Variants in PEMT observed in about 807,000 individuals in gnomAD.
The protein encoded by PEMT is phospholipid methyltransferase.
A neutral mutation model predicts 27.4 loss-of-function variants in PEMT; 23 were observed. The ratio of observed to expected loss-of-function variants is 0.84; its 90% CI spans 0.60 to 1.19. PEMT has a LOEUF of 1.19. PEMT is among the 50% of genes most tolerant of loss of function. The probability of loss-of-function intolerance (pLI) is 0.00; values close to 1 mark genes in which losing one functional copy is unlikely to be tolerated. For missense variants in PEMT, 307 were observed against 310.1 expected, an observed-to-expected ratio of 0.99 and a Z score of 0.07; for synonymous variants, 137 against 139.1, an observed-to-expected ratio of 0.98 and a Z score of 0.11.
chr17:17,511,146 C>A (rs1467292801), intron 4 of PEMT, among the ~76,000 whole-genome samples: 1 of 152,192 alleles, frequency 6.6e-6, no homozygotes, highest in Non-Finnish European at 1.5e-5. Flanking sequence ...CCTGTGCGGC[C>A]AGTCCAGCTG....
chr17:17,518,567 G>C (rs893970844), intron 3 of PEMT, among the ~76,000 whole-genome samples: 3 of 152,200 alleles, frequency 2.0e-5, no homozygotes, highest in African/African-American at 2.4e-5. Flanking sequence ...TGGATGCACT[G>C]CTGGTGCAGA....
At chr17:17,506,322 C>A in intron 5 of PEMT, 21 bp from the exon 6 acceptor site, 1 of 1,549,894 alleles carries the variant, frequency 6.5e-7, no homozygotes, top group South Asian at 1.2e-5. Flanking sequence ...AGAGGCAGGT[C>A]AGGCCTGGCT....
intron 1 of PEMT, 114 bp downstream of exon 1, chr17:17,591,416 TG>T: frequency 1.1e-6 from 1 of 882,050 alleles, no homozygotes. Flanking sequence ...ACGCCCCCAT[TG>T]CCTGGGAACT....
At chr17:17,563,446 T>C (rs918519859) in intron 2 of PEMT, among the ~76,000 whole-genome samples, 1 of 151,528 alleles carries the variant, frequency 6.6e-6, no homozygotes, top group South Asian at 2.1e-4. Flanking sequence ...TCCACGGAAA[T>C]GCGAAGGGGG....
intron 2 of PEMT, among the ~76,000 whole-genome samples, chr17:17,557,690 G>A (rs1257256507): frequency 6.6e-6 from 1 of 152,172 alleles, no homozygotes; most frequent in African/African-American, 2.4e-5. Context: ...AATGGGGTGG[G>A]CCCAAGCCAG....
intron 2 of PEMT, among the ~76,000 whole-genome samples, chr17:17,548,401 G>C (rs1325650603): frequency 6.6e-6 from 1 of 152,196 alleles, no homozygotes; most frequent in Non-Finnish European, 1.5e-5. Context: ...CCAGGGGTCT[G>C]GGGGAGGAAG....
At chr17:17,551,767 G>A (rs1379452384) in intron 2 of PEMT, among the ~76,000 whole-genome samples, 1 of 152,214 alleles carries the variant, frequency 6.6e-6, no homozygotes, top group Non-Finnish European at 1.5e-5. Context: ...AGGGCCGTGT[G>A]TCCCAGCTCT....
At chr17:17,524,616 T>G (rs1428580054) in intron 2 of PEMT, among the ~76,000 whole-genome samples, 1 of 137,588 alleles carries the variant, frequency 7.3e-6, no homozygotes, top group African/African-American at 2.7e-5. Flanking sequence ...AAAAAAAAAA[T>G]AATAAAAAAA....
At chr17:17,545,470 CA>C (rs1336050708) in intron 2 of PEMT, among the ~76,000 whole-genome samples, 1 of 152,212 alleles carries the variant, frequency 6.6e-6, no homozygotes, top group East Asian at 1.9e-4. Context: ...CCGCCGTCCC[CA>C]CAAGTCCCAG....
chr17:17,545,461 C>T (rs979179705), intron 2 of PEMT, among the ~76,000 whole-genome samples: 7 of 152,148 alleles, frequency 4.6e-5, no homozygotes, highest in East Asian at 1.9e-4. Context: ...CTCTTGTGGC[C>T]GCCGTCCCCA....
intron 1 of PEMT, 40 bp from the exon 2 acceptor site, chr17:17,577,067 G>T: frequency 1.3e-6 from 2 of 1,484,692 alleles, no homozygotes; most frequent in Non-Finnish European, 9.4e-7. Flanking sequence ...CCCAGACACA[G>T]CAGGGCCTGT....
intron 2 of PEMT, among the ~76,000 whole-genome samples, chr17:17,526,483 G>C (rs201273519): frequency 6.6e-6 from 1 of 152,266 alleles, no homozygotes; most frequent in East Asian, 1.9e-4. Flanking sequence ...GGTAGAGCAG[G>C]TGAGGGATGA....
At chr17:17,591,886 T>G (rs539112968), upstream of PEMT, 101 of 985,466 alleles carry the variant, frequency 1.0e-4, no homozygotes, top group South Asian at 4.1e-3. Context: ...CCGCTGCAGC[T>G]ACGTAGCAGT....
intron 2 of PEMT, among the ~76,000 whole-genome samples, chr17:17,569,362 A>G (rs1911039731): frequency 6.6e-6 from 1 of 152,108 alleles, no homozygotes; most frequent in Non-Finnish European, 1.5e-5. Flanking sequence ...GGCAGGGTGC[A>G]CTGTGGGAGA....
intron 1 of PEMT, among the ~76,000 whole-genome samples, chr17:17,581,195 G>A (rs1256481822): frequency 6.6e-6 from 1 of 152,160 alleles, no homozygotes; most frequent in Non-Finnish European, 1.5e-5. Flanking sequence ...GGGCCCTGGG[G>A]GAAATGCTGC....
Position 17,505,766 on chromosome 17 carries a change from C to G in PEMT, c.*25G>C. ...GGGCAGGCCAGGAGGCTGGCCAGGC[C>G]TTCAGCAAAGCTGTTGCAGCTCAAT... On this transcript the variant is annotated 3_prime_UTR_variant, in exon 7 of 7. Transcript: ENST00000255389. 1 of 1,600,628 alleles carries G rather than the reference C, an allele frequency of 6.2e-7. No homozygotes were observed. Among genetic ancestry groups the G allele is most frequent in the Non-Finnish European group, 8.5e-7 (1 of 1,173,068 alleles).
chr17:17,547,570 G>A (rs1053844000), intron 2 of PEMT, among the ~76,000 whole-genome samples: 2 of 152,236 alleles, frequency 1.3e-5, no homozygotes, highest in South Asian at 4.1e-4. Flanking sequence ...GAAGCATTGT[G>A]TGCAAAAGTC....
At chr17:17,547,666 C>T (rs1252354348) in intron 2 of PEMT, among the ~76,000 whole-genome samples, 1 of 151,978 alleles carries the variant, frequency 6.6e-6, no homozygotes, top group African/African-American at 2.4e-5. Context: ...CCTCCTCCTC[C>T]TCCTCCTCAT....
At chr17:17,578,065 G>A (rs933151845) in intron 1 of PEMT, among the ~76,000 whole-genome samples, 1 of 150,822 alleles carries the variant, frequency 6.6e-6, no homozygotes, top group African/African-American at 2.4e-5. Flanking sequence ...ACTGTGAAAC[G>A]TTCTGAAACA....
Sources: gnomAD v4.1 joint callset for allele counts (sites outside exome capture counted in the v4.1 genomes callset) on GRCh38, gnomAD v4.1.1 for gene constraint, MANE v1.5 for transcripts, NCBI Gene and HGNC (gene_info 2026-07-23, HGNC 2026-07-21) for gene names.